ZDHHC11: variants seen among roughly 807,000 people sequenced by gnomAD.
The protein encoded by ZDHHC11 is palmitoyltransferase ZDHHC11.
In ZDHHC11, 44 loss-of-function variants were observed where a neutral mutation model predicts 51.3. That is an observed-to-expected ratio of 0.86 (90% CI 0.67 to 1.10). The LOEUF is 1.10. Ranked by LOEUF, ZDHHC11 falls within the 50% of genes least tolerant of loss-of-function variation. The pLI is 0.00. For synonymous variants in ZDHHC11, 163 were observed against 222.0 expected (o/e 0.73, Z 2.36); for missense variants, 400 against 537.7 (o/e 0.74, Z 2.53).
chr5:807,479 TAAAC>T (rs1739439953), intron 11 of ZDHHC11, among the ~76,000 whole-genome samples: 2 of 151,392 alleles, frequency 1.3e-5, no homozygotes. Context: ...CTATCATAAA[TAAAC>T]AAAATACGGA....
Position 821,576 on chromosome 5 carries a change from A to G in ZDHHC11, c.1058+285T>C, listed in dbSNP as rs115196149. Among the ~76,000 whole-genome samples, 1,338 of 151,164 alleles carry G rather than the reference A, an allele frequency of 8.9e-3. 38 individuals carry two copies. Among genetic ancestry groups the G allele is most frequent in the African/African-American group, 0.03 (1,240 of 41,248 alleles). Reference sequence around the variant, plus strand: ...ATGTGCAGCTCCCACCAGGACAGAGAACAGCATGTGGACACTCATACTGTG... The same window carrying G: ...ATGTGCAGCTCCCACCAGGACAGAGGACAGCATGTGGACACTCATACTGTG... On this transcript the variant is annotated intron_variant, in intron 9 of 12. Coordinates refer to ENST00000283441, the MANE Select transcript of ZDHHC11 (RefSeq NM_024786.3).
chr5:808,068 C>T (rs1404880346), intron 11 of ZDHHC11, among the ~76,000 whole-genome samples: 2 of 150,304 alleles, frequency 1.3e-5, no homozygotes, highest in Non-Finnish European at 1.5e-5. Flanking sequence ...TGTGACCTTC[C>T]GTGGTCAGAA....
upstream of ZDHHC11, among the ~76,000 whole-genome samples, chr5:851,735 C>T (rs1025924326): frequency 3.3e-5 from 5 of 152,200 alleles, no homozygotes; most frequent in East Asian, 1.9e-4. Context: ...CTGGGAGACC[C>T]GAGAGACTCA....
intron 4 of ZDHHC11, chr5:841,522 G>T (rs1392800847): frequency 2.0e-6 from 2 of 997,164 alleles, no homozygotes; most frequent in African/African-American, 1.8e-5. Flanking sequence ...TAGTGCCAGG[G>T]TCACGGTGCC....
chr5:838,351 T>C (rs983788245), intron 5 of ZDHHC11, among the ~76,000 whole-genome samples: 1 of 152,004 alleles, frequency 6.6e-6, no homozygotes, highest in Non-Finnish European at 1.5e-5. Context: ...GGGGCCAAAC[T>C]CTCCATGCTT....
rs1744320859 is a variant in ZDHHC11, at chr5:838,833, C to T, written c.785-1353G>A. On this transcript the variant is annotated intron_variant, in intron 5 of 12. Coordinates refer to ENST00000283441, the MANE Select transcript of ZDHHC11 (RefSeq NM_024786.3). ...GGCAAGGGCCAGCTTCTCTGCAGCA[C>T]AAGGGCCTGCAGCACCCCACGTGCT... is the stretch of plus-strand genomic sequence containing the variant. Among the ~76,000 whole-genome samples, 8 of 148,010 alleles carry T rather than the reference C, an allele frequency of 5.4e-5. No homozygotes were observed. In the South Asian group the frequency reaches 1.7e-3, roughly 31 times the overall value.
At chr5:804,214 C>G (rs185010539) in intron 11 of ZDHHC11, among the ~76,000 whole-genome samples, 16 of 151,328 alleles carry the variant, frequency 1.1e-4, no homozygotes, top group African/African-American at 3.2e-4. Flanking sequence ...GTGTAGTTCT[C>G]AGTAGCATGA....
intron 3 of ZDHHC11, among the ~76,000 whole-genome samples, chr5:844,741 T>TC (rs1424029628): frequency 3.2e-4 from 49 of 152,388 alleles, no homozygotes; most frequent in African/African-American, 1.2e-3. Context: ...TCGGCTGCAG[T>TC]CCCCCCTTCT....
intron 6 of ZDHHC11, among the ~76,000 whole-genome samples, chr5:834,816 A>G (rs1743599701): frequency 6.6e-6 from 1 of 151,998 alleles, no homozygotes; most frequent in South Asian, 2.1e-4. Flanking sequence ...ATTCAGACAC[A>G]TAGTTTTTAG....
At position 823,077 on chromosome 5, in the gene ZDHHC11, G is replaced by A. The variant is rs191112605; in HGVS notation, c.1024-1182C>T. Among the ~76,000 whole-genome samples, 101 of 150,324 alleles carry A rather than the reference G, an allele frequency of 6.7e-4. 3 individuals carry two copies. Among genetic ancestry groups the A allele is most frequent in the African/African-American group, 2.2e-3 (91 of 40,620 alleles). On this transcript the variant is annotated intron_variant, in intron 8 of 12. Transcript: ENST00000283441. ...TTGTAAATATTTTATTTCAGCCTGT[G>A]GCTTATATTTTCATTCTTTTACTGG...
rs1263724585 is a variant in ZDHHC11, at chr5:816,644, G to A, written c.1147-1849C>T. On this transcript the variant is annotated intron_variant, in intron 10 of 12. Transcript: ENST00000283441. ...CTTTGCCATAGTGGCTGTGATTTGG[G>A]ATTATATGCATCCCTTTCCAGAGTC... 18 of 627,302 alleles carry A rather than the reference G, an allele frequency of 2.9e-5. No homozygotes were observed. The African/African-American group carries it at 2.9e-4, about 10-fold the overall frequency. 38.9% of individuals were successfully genotyped at this position (627,302 alleles called of 1,614,324 possible).
chr5:804,447 G>A (rs534806134), intron 11 of ZDHHC11, among the ~76,000 whole-genome samples: 1 of 151,034 alleles, frequency 6.6e-6, no homozygotes, highest in Non-Finnish European at 1.5e-5. Flanking sequence ...AAGAAATAAT[G>A]GCTGAAAACT....
intron 1 of ZDHHC11, among the ~76,000 whole-genome samples, chr5:858,661 C>T (rs1225342257): frequency 6.6e-6 from 1 of 152,162 alleles, no homozygotes; most frequent in Admixed American, 6.5e-5. Flanking sequence ...CCATGGGGAC[C>T]CTCTGGAAGC....
intron 10 of ZDHHC11, among the ~76,000 whole-genome samples, chr5:818,103 C>A (rs1287834731): frequency 6.6e-6 from 1 of 151,312 alleles, no homozygotes; most frequent in Non-Finnish European, 1.5e-5. Context: ...TGATGCTGAG[C>A]GGATCTTCTC....
At chr5:801,461 T>C (rs1738411163) in intron 11 of ZDHHC11, among the ~76,000 whole-genome samples, 1 of 151,912 alleles carries the variant, frequency 6.6e-6, no homozygotes, top group Admixed American at 6.6e-5. Flanking sequence ...TTGTTTGGAT[T>C]TCCAGCATGA....
rs749943596 is a variant in ZDHHC11, at chr5:840,562, G to A, written c.717C>T (p.Leu239=). The change falls in exon 5 of 13, where the codon CTC becomes CTT. Residue 239 remains leucine, a synonymous_variant. Coordinates refer to ENST00000283441, the MANE Select transcript of ZDHHC11 (RefSeq NM_024786.3). ...QTLIVVIIGM[L]VLLLDFLGLV... ...AGCCAAGAAAGTCCAGCAGGAGCACGAGCATCCCGATGATCACGACTATCA... is the reference window on the plus strand; with the variant it reads ...AGCCAAGAAAGTCCAGCAGGAGCACAAGCATCCCGATGATCACGACTATCA... 3.3e-5 allele frequency: 54 copies of A among 1,613,730 alleles called. No individual in the cohort carries two copies. The highest frequency in any genetic ancestry group is 2.2e-4 in the East Asian group (10 of 44,890).
intron 10 of ZDHHC11, 144 bp downstream of exon 10, chr5:819,378 CCCA>C: frequency 1.2e-6 from 1 of 803,144 alleles, no homozygotes; most frequent in Non-Finnish European, 2.0e-6. Flanking sequence ...CTGTGCTCCA[CCCA>C]CCATCATTCC....
At chr5:802,185 C>T (rs1394806604) in intron 11 of ZDHHC11, among the ~76,000 whole-genome samples, 6 of 151,162 alleles carry the variant, frequency 4.0e-5, no homozygotes, top group Non-Finnish European at 7.4e-5. Flanking sequence ...GCAGTGACTG[C>T]TGCTGCAAGA....
rs1184115141 is a variant in ZDHHC11 at position 850,845 on chromosome 5, C to T, written c.-243G>A. ...TGCAGAATGTGACCCCGGCCAGAGCCGAGTGGCAACGGAAAACGGCTCTCC... is the reference window on the plus strand; with the variant it reads ...TGCAGAATGTGACCCCGGCCAGAGCTGAGTGGCAACGGAAAACGGCTCTCC... On this transcript the variant is annotated 5_prime_UTR_variant, in exon 1 of 13. Transcript: ENST00000283441. The T allele has an allele frequency of 2.5e-5, 14 of 569,666 alleles. No individual in the cohort carries two copies. The highest frequency in any genetic ancestry group is 3.6e-5 in the Non-Finnish European group (12 of 332,868). 35.3% of individuals were successfully genotyped at this position (569,666 alleles called of 1,614,324 possible). A position where few individuals can be genotyped will look rare whatever the true frequency, so the allele number is the denominator to read the frequency against.
Sources: gnomAD v4.1 joint callset for allele counts (sites outside exome capture counted in the v4.1 genomes callset) on GRCh38, gnomAD v4.1.1 for gene constraint, MANE v1.5 for transcripts, NCBI Gene and HGNC (gene_info 2026-07-23, HGNC 2026-07-21) for gene names.